The following MAPKAP1 variants were observed in gnomAD, a reference collection of about 807,000 sequenced individuals.
MAPKAP1 encodes MAPK associated protein 1.
A neutral mutation model predicts 65.7 loss-of-function variants in MAPKAP1; 20 were observed. That is an observed-to-expected ratio of 0.30 (90% CI 0.21 to 0.44). The LOEUF is 0.44. Ranked by LOEUF, MAPKAP1 falls within the 20% of genes least tolerant of loss-of-function variation. The probability of loss-of-function intolerance (pLI) is 1.00; values close to 1 mark genes in which losing one functional copy is unlikely to be tolerated. For missense variants in MAPKAP1, 423 were observed against 648.0 expected (o/e 0.65, Z 3.77); for synonymous variants, 222 against 244.3 (o/e 0.91, Z 0.85).
intron 11 of MAPKAP1, among the ~76,000 whole-genome samples, chr9:125,440,343 C>T (rs914850454): frequency 6.6e-5 from 10 of 152,336 alleles, no homozygotes; most frequent in East Asian, 1.9e-4. Flanking sequence ...AGGTGTCAGG[C>T]GCTTGGCAAA....
intron 10 of MAPKAP1, among the ~76,000 whole-genome samples, chr9:125,461,193 C>T (rs191583875): frequency 6.6e-6 from 1 of 152,360 alleles, no homozygotes; most frequent in Admixed American, 6.5e-5. Context: ...ATGACGCAAG[C>T]TGGCCGTCTG....
At position 125,455,975 on chromosome 9, in the gene MAPKAP1, C is replaced by T. The variant is rs372372929; in HGVS notation, c.1346-11377G>A. On this transcript the variant is annotated intron_variant, in intron 10 of 11. Transcript: ENST00000265960. Reference sequence around the variant, plus strand: ...CATTTTTTTTGATTGCCTGAAATGTCATTATTTCACCTTCCTTTCTGAAGG... The same window carrying T: ...CATTTTTTTTGATTGCCTGAAATGTTATTATTTCACCTTCCTTTCTGAAGG... Among the ~76,000 whole-genome samples, 13 of 152,304 alleles carry T rather than the reference C, an allele frequency of 8.5e-5. No individual in the cohort carries two copies. The East Asian group carries it at 9.6e-4, about 11-fold the overall frequency.
intron 11 of MAPKAP1, among the ~76,000 whole-genome samples, chr9:125,444,068 A>C (rs1852603720): frequency 6.6e-6 from 1 of 152,230 alleles, no homozygotes; most frequent in Non-Finnish European, 1.5e-5. Context: ...AGTCTAGCAG[A>C]AAGTTAGGTA....
intron 4 of MAPKAP1, among the ~76,000 whole-genome samples, chr9:125,642,419 C>T (rs1833605916): frequency 2.6e-5 from 4 of 152,000 alleles, no homozygotes; most frequent in Admixed American, 2.6e-4. Flanking sequence ...CTGGTAAGAT[C>T]CTGAAAAACA....
chr9:125,571,632 G>A (rs1480361050), intron 5 of MAPKAP1, among the ~76,000 whole-genome samples: 1 of 152,098 alleles, frequency 6.6e-6, no homozygotes, highest in Non-Finnish European at 1.5e-5. Context: ...CGAGGCAGGT[G>A]GATCACCTGA....
chr9:125,461,020 A>C (rs1039767990), intron 10 of MAPKAP1, among the ~76,000 whole-genome samples: 5 of 152,210 alleles, frequency 3.3e-5, no homozygotes, highest in African/African-American at 1.2e-4. Flanking sequence ...AATGGGACAC[A>C]CGTTGGCCTG....
intron 8 of MAPKAP1, among the ~76,000 whole-genome samples, chr9:125,495,504 T>C (rs1208911901): frequency 6.6e-6 from 1 of 152,254 alleles, no homozygotes; most frequent in African/African-American, 2.4e-5. Flanking sequence ...ATTAATTACA[T>C]ACACAGAGTC....
intron 1 of MAPKAP1, among the ~76,000 whole-genome samples, chr9:125,684,671 CG>C (rs1350233592): frequency 1.3e-5 from 2 of 152,152 alleles, no homozygotes; most frequent in Non-Finnish European, 2.9e-5. Context: ...AGTTGCATTC[CG>C]TAAGACTTAG....
At chr9:125,455,456 G>A (rs1853128132) in intron 10 of MAPKAP1, among the ~76,000 whole-genome samples, 1 of 152,104 alleles carries the variant, frequency 6.6e-6, no homozygotes, top group Non-Finnish European at 1.5e-5. Context: ...AGGTTTTATG[G>A]ACCAAGAGAT....
At chr9:125,556,172 G>A (rs991529415) in intron 6 of MAPKAP1, among the ~76,000 whole-genome samples, 1 of 152,214 alleles carries the variant, frequency 6.6e-6, no homozygotes, top group Non-Finnish European at 1.5e-5. Context: ...GATCTGTGAG[G>A]TAGGTATTAT....
chr9:125,643,645 G>A (rs998569375), intron 4 of MAPKAP1, among the ~76,000 whole-genome samples: 2 of 151,818 alleles, frequency 1.3e-5, no homozygotes, highest in Non-Finnish European at 2.9e-5. Flanking sequence ...CTCTATTATT[G>A]GGCATTGAGG....
intron 4 of MAPKAP1, chr9:125,596,401 G>T: frequency 2.4e-6 from 2 of 817,174 alleles, no homozygotes; most frequent in Admixed American, 1.7e-5. Context: ...GGCTATAATG[G>T]ATTTGGTACT....
intron 10 of MAPKAP1, among the ~76,000 whole-genome samples, chr9:125,454,943 T>A (rs1442104299): frequency 1.3e-5 from 2 of 152,064 alleles, no homozygotes; most frequent in Non-Finnish European, 2.9e-5. Flanking sequence ...CCCAGCACTT[T>A]GGGAGGCCAA....
At chr9:125,455,584 TAAG>T (rs1309202554) in intron 10 of MAPKAP1, among the ~76,000 whole-genome samples, 2 of 152,168 alleles carry the variant, frequency 1.3e-5, no homozygotes, top group East Asian at 3.9e-4. Context: ...GATCTATTAA[TAAG>T]AAGTGTAGTT....
chr9:125,693,870 C>CAT (rs1835306400), intron 1 of MAPKAP1, among the ~76,000 whole-genome samples: 1 of 151,144 alleles, frequency 6.6e-6, no homozygotes, highest in Admixed American at 6.6e-5. Flanking sequence ...CACACACACA[C>CAT]ACATATATAT....
At chr9:125,643,402 C>A (rs1588030824) in intron 4 of MAPKAP1, among the ~76,000 whole-genome samples, 1 of 152,078 alleles carries the variant, frequency 6.6e-6, no homozygotes, top group Admixed American at 6.5e-5. Context: ...ACCATGTTGG[C>A]CAGGCTGGTC....
chr9:125,596,165 C>T, intron 4 of MAPKAP1: 1 of 772,446 alleles, frequency 1.3e-6, no homozygotes, highest in South Asian at 1.3e-5. Flanking sequence ...TTCAAAAACA[C>T]CATACTGTGA....
At chr9:125,592,214 G>A (rs1369958837) in intron 4 of MAPKAP1, among the ~76,000 whole-genome samples, 5 of 152,206 alleles carry the variant, frequency 3.3e-5, no homozygotes, top group Non-Finnish European at 7.3e-5. Context: ...AGTCCAGTCT[G>A]TCAAGAGAGC....
intron 4 of MAPKAP1, among the ~76,000 whole-genome samples, chr9:125,645,145 G>A (rs1206768294): frequency 6.6e-6 from 1 of 152,164 alleles, no homozygotes; most frequent in Non-Finnish European, 1.5e-5. Flanking sequence ...TGAGCTGAAA[G>A]GGACACTAGA....
Sources: allele counts gnomAD v4.1 joint callset (sites outside exome capture counted in the v4.1 genomes callset), GRCh38; gene constraint gnomAD v4.1.1; transcripts MANE v1.5; gene names NCBI Gene and HGNC (gene_info 2026-07-23, HGNC 2026-07-21).